The following TMCC1 variants were observed in gnomAD, a reference collection of about 807,000 sequenced individuals.
The protein encoded by TMCC1 is transmembrane and coiled-coil domains protein 1.
Under a neutral mutation model 52.4 loss-of-function variants are expected in TMCC1, and 15 were observed. The ratio of observed to expected loss-of-function variants is 0.29; its 90% CI spans 0.19 to 0.44. The LOEUF is 0.44. TMCC1 is among the 20% of genes least tolerant of loss of function. The probability of loss-of-function intolerance (pLI) is 1.00; values close to 1 mark genes in which losing one functional copy is unlikely to be tolerated. For missense variants in TMCC1, 503 were observed against 806.0 expected (o/e 0.62, Z 4.55); for synonymous variants, 279 against 301.9 (o/e 0.92, Z 0.79).
rs1308723744 is a variant in TMCC1, at chr3:129,675,842, C to T, written c.577-4578G>A. On this transcript the variant is annotated intron_variant, in intron 4 of 6. Transcript: ENST00000393238. Reference sequence around the variant, plus strand: ...CACGAGGTCAGGAGATCGAGACCATCCTGGCTAACACGGTGAAACCCCATC... The same window carrying T: ...CACGAGGTCAGGAGATCGAGACCATTCTGGCTAACACGGTGAAACCCCATC... 3.9e-5 allele frequency among the ~76,000 whole-genome samples: 6 copies of T among 152,056 alleles called. No individual in the cohort carries two copies. In the East Asian group the frequency reaches 1.2e-3, roughly 29 times the overall value.
rs888180255 is a variant in TMCC1, at chr3:129,650,803, T to A, written c.*678A>T. Reference sequence around the variant, plus strand: ...AGGGATTTTGCTTAAAATTAAGTATTTAGAGGGCTACTTAAAAATACTGTA... The same window carrying A: ...AGGGATTTTGCTTAAAATTAAGTATATAGAGGGCTACTTAAAAATACTGTA... On this transcript the variant is annotated 3_prime_UTR_variant, in exon 7 of 7. Transcript: ENST00000393238. 6.6e-6 allele frequency: 1 copy of A among 152,586 alleles called. No individual in the cohort carries two copies. The highest frequency in any genetic ancestry group is 1.9e-4 in the East Asian group (1 of 5,196). 9.5% of individuals were successfully genotyped at this position (152,586 alleles called of 1,614,324 possible). A position where few individuals can be genotyped will look rare whatever the true frequency, so the allele number is the denominator to read the frequency against.
Position 129,651,365 on chromosome 3 carries a change from C to T in TMCC1, c.*116G>A. On this transcript the variant is annotated 3_prime_UTR_variant, in exon 7 of 7. Coordinates refer to ENST00000393238, the MANE Select transcript of TMCC1 (RefSeq NM_001017395.5). The surrounding 1 kb of genome is among the most constrained non-coding windows in gnomAD (Gnocchi z 5.1). ...AAAAAAACATTATTCTAAATGTAAACAGATTCACTCAACTCTTTTTTTGTT... is the reference window on the plus strand; with the variant it reads ...AAAAAAACATTATTCTAAATGTAAATAGATTCACTCAACTCTTTTTTTGTT... 9.0e-7 allele frequency: 1 copy of T among 1,108,012 alleles called. No individual in the cohort carries two copies. Among genetic ancestry groups the T allele is most frequent in the Non-Finnish European group, 1.3e-6 (1 of 774,234 alleles). The allele number at this position is 1,108,012 out of a possible 1,614,324, so 68.6% of individuals were successfully genotyped here.
chr3:129,734,123 T>A (rs577206532), intron 4 of TMCC1, among the ~76,000 whole-genome samples: 1 of 152,178 alleles, frequency 6.6e-6, no homozygotes, highest in African/African-American at 2.4e-5. Flanking sequence ...TGTTCAAGAG[T>A]ATTCACTGTA....
rs553683914 is a variant in TMCC1, at chr3:129,843,346, C to CAA, written c.-183-10522_-183-10521dup. ...TAGGAGACACAGCAAGACACCGTCTCAAAAAAAAAAGAAGGAAAAAATAAT... is the reference window on the plus strand; with the variant it reads ...TAGGAGACACAGCAAGACACCGTCTCAAAAAAAAAAAAGAAGGAAAAAATAAT... On this transcript the variant is annotated intron_variant, in intron 2 of 6. Coordinates refer to ENST00000393238, the MANE Select transcript of TMCC1 (RefSeq NM_001017395.5). Among the ~76,000 whole-genome samples the CAA allele has an allele frequency of 5.0e-5, 7 of 138,888 alleles. No individual in the cohort carries two copies. The East Asian group carries it at 1.4e-3, about 29-fold the overall frequency. The allele number at this position is 138,888 out of a possible 152,430, so 91.1% of individuals were successfully genotyped here.
intron 4 of TMCC1, among the ~76,000 whole-genome samples, chr3:129,714,424 G>A (rs2048917472): frequency 6.6e-6 from 1 of 152,148 alleles, no homozygotes; most frequent in African/African-American, 2.4e-5. Context: ...ATTAAAATGA[G>A]ATCATATTTT....
chr3:129,799,110 T>G (rs764795039), intron 4 of TMCC1, among the ~76,000 whole-genome samples: 1 of 152,248 alleles, frequency 6.6e-6, no homozygotes, highest in East Asian at 1.9e-4. Flanking sequence ...TTGAGTACCA[T>G]ATACAATACC....
intron 4 of TMCC1, among the ~76,000 whole-genome samples, chr3:129,804,976 A>C (rs2057382718): frequency 6.6e-6 from 1 of 152,184 alleles, no homozygotes; most frequent in Admixed American, 6.5e-5. Context: ...GCATCATATA[A>C]AATCACCACT....
At chr3:129,667,270 T>G (rs1368476213) in intron 5 of TMCC1, among the ~76,000 whole-genome samples, 1 of 151,578 alleles carries the variant, frequency 6.6e-6, no homozygotes, top group Non-Finnish European at 1.5e-5. Flanking sequence ...AAAATTTTAT[T>G]TATGTGAAAG....
rs1577193280 is a variant in TMCC1, at chr3:129,877,407, A to T, written c.-184+2902T>A. Among the ~76,000 whole-genome samples the T allele has an allele frequency of 2.0e-5, 3 of 152,280 alleles. 1 individual carries two copies. In the Middle Eastern group the frequency reaches 0.01, roughly 518 times the overall value. On this transcript the variant is annotated intron_variant, in intron 2 of 6. Transcript: ENST00000393238. The stretch of plus-strand genomic sequence containing the variant: ...AGCCACTGCTACTAAGTCTTCCTTG[A>T]TGTTTCCTTCTCATCTTCCCCAACT...
At chr3:129,660,542 T>C (rs1173686188) in intron 5 of TMCC1, among the ~76,000 whole-genome samples, 20 of 152,202 alleles carry the variant, frequency 1.3e-4, no homozygotes, top group Admixed American at 1.2e-3. Flanking sequence ...GTTTTTCCTA[T>C]GACATCACAG....
intron 2 of TMCC1, among the ~76,000 whole-genome samples, chr3:129,869,834 T>C (rs1387833369): frequency 6.6e-6 from 1 of 152,224 alleles, no homozygotes; most frequent in African/African-American, 2.4e-5. Context: ...GCCATCTACA[T>C]GCCAGGCATT....
At chr3:129,846,967 T>C (rs1163802310) in intron 2 of TMCC1, 1 of 150,992 alleles carries the variant, frequency 6.6e-6, no homozygotes, top group Non-Finnish European at 1.5e-5. Flanking sequence ...TACCTCATCC[T>C]GGGTAACAGA....
intron 4 of TMCC1, among the ~76,000 whole-genome samples, chr3:129,723,392 C>A: frequency 8.4e-6 from 1 of 119,408 alleles, no homozygotes; most frequent in East Asian, 2.2e-4. Context: ...CCACCTAGAT[C>A]CATCAAGAAT....
At chr3:129,760,182 A>T (rs7428205) in intron 4 of TMCC1, among the ~76,000 whole-genome samples, 150,115 of 152,268 alleles carry the variant, frequency 0.99, 74,034 homozygotes, top group East Asian at 1. Flanking sequence ...TTGTTACAAG[A>T]GATAAATCAA....
intron 2 of TMCC1, among the ~76,000 whole-genome samples, chr3:129,873,011 G>A (rs753898772): frequency 2.9e-4 from 43 of 150,716 alleles, no homozygotes; most frequent in Non-Finnish European, 4.9e-4. Context: ...TCCACTTCCC[G>A]GGTTCAAGCC....
intron 4 of TMCC1, among the ~76,000 whole-genome samples, chr3:129,734,994 C>T (rs1246916272): frequency 2.0e-5 from 3 of 151,676 alleles, no homozygotes; most frequent in Admixed American, 6.6e-5. Flanking sequence ...GCTCCGTCTC[C>T]GGGTTCATGC....
chr3:129,758,283 T>C (rs1010211463), intron 4 of TMCC1, among the ~76,000 whole-genome samples: 7 of 152,202 alleles, frequency 4.6e-5, no homozygotes, highest in African/African-American at 1.7e-4. Context: ...AGAATGAACT[T>C]TGTGGTACTA....
chr3:129,851,804 G>A (rs1049692038), intron 2 of TMCC1, among the ~76,000 whole-genome samples: 1 of 152,174 alleles, frequency 6.6e-6, no homozygotes, highest in African/African-American at 2.4e-5. Context: ...CAGTATAGAT[G>A]AATAGGCAAA....
chr3:129,775,960 ACATAC>A (rs983938918), intron 4 of TMCC1, among the ~76,000 whole-genome samples: 2 of 152,184 alleles, frequency 1.3e-5, no homozygotes, highest in Non-Finnish European at 2.9e-5. Context: ...CCTGGATGAC[ACATAC>A]CCTTCATCTT....
Sources: allele counts gnomAD v4.1 joint callset (sites outside exome capture counted in the v4.1 genomes callset), GRCh38; gene constraint gnomAD v4.1.1; non-coding constraint Gnocchi (gnomAD v3.1); transcripts MANE v1.5; gene names NCBI Gene and HGNC (gene_info 2026-07-23, HGNC 2026-07-21).